Variants in NELL1 observed in about 807,000 individuals in gnomAD.
NELL1 encodes protein kinase C-binding protein NELL1.
A neutral mutation model predicts 107.4 loss-of-function variants in NELL1; 76 were observed. The ratio of observed to expected loss-of-function variants is 0.71; its 90% confidence interval spans 0.59 to 0.86. The LOEUF (loss-of-function observed/expected upper bound fraction) is 0.86, where lower values mean the gene tolerates loss of function less well. NELL1 is among the 40% of genes least tolerant of loss of function. NELL1 has a pLI of 0.00. For synonymous variants in NELL1, 353 were observed against 341.2 expected, an observed-to-expected ratio of 1.03 and a Z score of -0.38; for missense variants, 1,024 against 1,005.5, an observed-to-expected ratio of 1.02 and a Z score of -0.25.
At chr11:21,512,489 T>C (rs187250824) in intron 15 of NELL1, among the ~76,000 whole-genome samples, 22 of 152,298 alleles carry the variant, frequency 1.4e-4, no homozygotes, top group African/African-American at 5.1e-4. Context: ...GATATTATAA[T>C]ATTTTCTTAT....
chr11:21,189,631 T>C (rs904619412), intron 13 of NELL1, among the ~76,000 whole-genome samples: 5 of 151,388 alleles, frequency 3.3e-5, no homozygotes, highest in African/African-American at 1.2e-4. Flanking sequence ...TTTCTTAAGA[T>C]TAGTGGGTGC....
chr11:20,760,031 A>G (rs1279187457), intron 2 of NELL1, among the ~76,000 whole-genome samples: 2 of 152,196 alleles, frequency 1.3e-5, no homozygotes, highest in African/African-American at 4.8e-5. Context: ...TTCTCTCCCT[A>G]CAGGCTACTA....
chr11:20,781,230 A>G (rs952877096), intron 2 of NELL1, among the ~76,000 whole-genome samples: 1 of 152,170 alleles, frequency 6.6e-6, no homozygotes, highest in Admixed American at 6.5e-5. Context: ...AGAAAAGGGA[A>G]AAATCAAGGG....
intron 14 of NELL1, among the ~76,000 whole-genome samples, chr11:21,326,248 C>T (rs531988242): frequency 2.3e-4 from 35 of 149,888 alleles, no homozygotes; most frequent in African/African-American, 5.6e-4. Flanking sequence ...ATAGTTTTTA[C>T]TATTCCACTT....
intron 12 of NELL1, among the ~76,000 whole-genome samples, chr11:21,065,418 C>T (rs1359708406): frequency 6.6e-6 from 1 of 152,110 alleles, no homozygotes; most frequent in Non-Finnish European, 1.5e-5. Flanking sequence ...ACTCGATTTG[C>T]TATAATACGG....
Position 20,829,886 on chromosome 11 carries a change from G to T in NELL1, c.336-17697G>T, listed in dbSNP as rs575372725. Among the ~76,000 whole-genome samples the T allele has an allele frequency of 2.6e-5, 4 of 152,000 alleles. No individual in the cohort carries two copies. The East Asian group carries it at 5.8e-4, about 22-fold the overall frequency. The stretch of plus-strand genomic sequence containing the variant: ...TATATTGATATATCTTATTACTGAT[G>T]ATATTATCCTTGATTGCTTGGTTAA... On this transcript the variant is annotated intron_variant, in intron 3 of 19. Coordinates refer to ENST00000357134, the MANE Select transcript of NELL1 (RefSeq NM_006157.5).
chr11:21,442,387 C>T (rs1415314040), intron 15 of NELL1, among the ~76,000 whole-genome samples: 1 of 152,016 alleles, frequency 6.6e-6, no homozygotes, highest in African/African-American at 2.4e-5. Flanking sequence ...TCATCTCAAC[C>T]ACTGTTAATT....
At chr11:21,153,901 G>A (rs1354311668) in intron 13 of NELL1, among the ~76,000 whole-genome samples, 1 of 152,140 alleles carries the variant, frequency 6.6e-6, no homozygotes, top group Non-Finnish European at 1.5e-5. Context: ...TTACCCATGA[G>A]GAATCCTATT....
intron 14 of NELL1, chr11:21,283,726 G>A (rs1849047708): frequency 1.2e-5 from 2 of 165,298 alleles, no homozygotes; most frequent in African/African-American, 4.8e-5. Context: ...CTAGTTCAAA[G>A]CCAGAGAAAG....
chr11:21,279,924 A>C (rs558320902), intron 14 of NELL1, among the ~76,000 whole-genome samples: 109 of 152,362 alleles, frequency 7.2e-4, no homozygotes, highest in Non-Finnish European at 1.4e-3. Context: ...GAAACGGAGG[A>C]AACGTAAATG....
Position 20,959,650 on chromosome 11 carries a change from A to G in NELL1, c.1172-782A>G, listed in dbSNP as rs549115839. On this transcript the variant is annotated intron_variant, in intron 11 of 19. Coordinates refer to ENST00000357134, the MANE Select transcript of NELL1 (RefSeq NM_006157.5). ...CAAAGGCATAAGAATGACATCATAG[A>G]CTTTAGGAATTTAGGGGGAAAGGTG... Among the ~76,000 whole-genome samples, 30 of 152,294 alleles carry G rather than the reference A, an allele frequency of 2.0e-4. 1 individual carries two copies. In the South Asian group the frequency reaches 6.0e-3, roughly 30 times the overall value.
At chr11:21,222,622 ATTGC>A (rs1177336192) in intron 13 of NELL1, among the ~76,000 whole-genome samples, 57 of 152,106 alleles carry the variant, frequency 3.7e-4, no homozygotes, top group African/African-American at 1.3e-3. Flanking sequence ...GCATCATTAG[ATTGC>A]TTATTTGAAA....
intron 12 of NELL1, among the ~76,000 whole-genome samples, chr11:21,040,470 A>T (rs577285713): frequency 1.3e-5 from 2 of 152,262 alleles, no homozygotes; most frequent in South Asian, 4.1e-4. Context: ...TAATATTTAT[A>T]CCTGTGCCTA....
chr11:21,374,955 G>A (rs1327518973), intron 15 of NELL1, among the ~76,000 whole-genome samples: 10 of 151,686 alleles, frequency 6.6e-5, no homozygotes, highest in Non-Finnish European at 1.3e-4. Flanking sequence ...GCACATGCAG[G>A]TGTGGACTTG....
At chr11:20,781,897 G>A (rs1182468182) in intron 2 of NELL1, among the ~76,000 whole-genome samples, 1 of 112,666 alleles carries the variant, frequency 8.9e-6, no homozygotes, top group Non-Finnish European at 1.8e-5. Flanking sequence ...AAAAAAAAAG[G>A]CGGGCATGGT....
chr11:21,186,612 A>G (rs1012887114), intron 13 of NELL1, among the ~76,000 whole-genome samples: 10 of 151,808 alleles, frequency 6.6e-5, no homozygotes, highest in Admixed American at 2.0e-4. Context: ...GTCTTGACAT[A>G]GTGCAGTTGG....
Position 21,141,188 on chromosome 11 carries a change from G to A in NELL1, c.1426+27474G>A, listed in dbSNP as rs546676044. Among the ~76,000 whole-genome samples, 12 of 152,254 alleles carry A rather than the reference G, an allele frequency of 7.9e-5. No individual in the cohort carries two copies. In the East Asian group the frequency reaches 2.3e-3, roughly 29 times the overall value. ...AAGAAATCTTGCTTGATTAAACTAA[G>A]TGATCTTGACAATCAAATTTGAGAT... On this transcript the variant is annotated intron_variant, in intron 13 of 19. Coordinates refer to ENST00000357134, the MANE Select transcript of NELL1 (RefSeq NM_006157.5).
chr11:21,256,079 T>G (rs529694174), intron 14 of NELL1, among the ~76,000 whole-genome samples: 1 of 152,148 alleles, frequency 6.6e-6, no homozygotes, highest in East Asian at 1.9e-4. Context: ...AGAACAGACC[T>G]AATATCTTTC....
At chr11:21,461,986 C>T (rs576790935) in intron 15 of NELL1, among the ~76,000 whole-genome samples, 3 of 152,160 alleles carry the variant, frequency 2.0e-5, no homozygotes, top group South Asian at 2.1e-4. Context: ...AGCAGTGATC[C>T]GAAAATAAAC....
Sources: gnomAD v4.1 joint callset for allele counts (sites outside exome capture counted in the v4.1 genomes callset) on GRCh38, gnomAD v4.1.1 for gene constraint, MANE v1.5 for transcripts, NCBI Gene and HGNC (gene_info 2026-07-23, HGNC 2026-07-21) for gene names.